The following SLC35D4 variants were observed in gnomAD, a reference collection of about 807,000 sequenced individuals.
SLC35D4 encodes the protein UDP-N-acetylglucosamine transporter SLC35D4.
the SLC35D4 span, among the ~76,000 whole-genome samples, chr18:23,267,936 G>A: frequency 6.6e-6 from 1 of 152,194 alleles, no homozygotes; most frequent in Non-Finnish European, 1.5e-5. Context: ...CTGGCCACCC[G>A]GTTTGGGAAG....
the SLC35D4 span, among the ~76,000 whole-genome samples, chr18:23,351,904 T>C: frequency 6.6e-6 from 1 of 152,230 alleles, no homozygotes; most frequent in African/African-American, 2.4e-5. Flanking sequence ...TTGGATCGAC[T>C]GAGTCCCCTT....
the SLC35D4 span, among the ~76,000 whole-genome samples, chr18:23,371,935 G>GTTTTTTTTTTTTTTTTTTTTTTTT: frequency 2.8e-5 from 1 of 35,480 alleles, no homozygotes; most frequent in Non-Finnish European, 4.9e-5. Context: ...TGTTTTTTTT[G>GTTTTTTTTTTTTTTTTTTTTTTTT]TTTTTTTTTT....
chr18:23,243,914 A>G, the SLC35D4 span, among the ~76,000 whole-genome samples: 1 of 151,552 alleles, frequency 6.6e-6, no homozygotes, highest in East Asian at 1.9e-4. Flanking sequence ...AGAGTTTGAC[A>G]TTTCACCCAA....
the SLC35D4 span, among the ~76,000 whole-genome samples, chr18:23,409,006 G>A: frequency 3.9e-5 from 6 of 151,928 alleles, no homozygotes; most frequent in East Asian, 5.8e-4. Flanking sequence ...ATGGTGGTGG[G>A]CACTTGTAAT....
the SLC35D4 span, among the ~76,000 whole-genome samples, chr18:23,364,009 T>A: frequency 3.3e-5 from 5 of 152,130 alleles, no homozygotes; most frequent in Non-Finnish European, 5.9e-5. Flanking sequence ...ATTCAAGTTA[T>A]CCTTACGAGA....
chr18:23,274,301 C>A, the SLC35D4 span, among the ~76,000 whole-genome samples: 1 of 152,250 alleles, frequency 6.6e-6, no homozygotes, highest in Non-Finnish European at 1.5e-5. Flanking sequence ...AGCCCAGAAC[C>A]ACGTGCCCAG....
chr18:23,253,802 G>T, the SLC35D4 span: 1 of 1,614,232 alleles, frequency 6.2e-7, no homozygotes, highest in South Asian at 1.1e-5. Flanking sequence ...CATGGCCTTC[G>T]TCTACTTTGA....
the SLC35D4 span, among the ~76,000 whole-genome samples, chr18:23,287,743 C>G: frequency 1.3e-5 from 2 of 149,902 alleles, no homozygotes; most frequent in Non-Finnish European, 3.0e-5. Context: ...AGACTGCCCC[C>G]ACCCTAGCTC....
At chr18:23,246,624 C>A in the SLC35D4 span, among the ~76,000 whole-genome samples, 1 of 151,684 alleles carries the variant, frequency 6.6e-6, no homozygotes, top group Non-Finnish European at 1.5e-5. Flanking sequence ...ATCTCCTGAC[C>A]TTGTGATCCG....
chr18:23,297,936 AG>A, the SLC35D4 span: 7 of 1,567,806 alleles, frequency 4.5e-6, no homozygotes, highest in Admixed American at 3.4e-5. Flanking sequence ...CTATGAGACC[AG>A]GGGCTCGTAC....
chr18:23,374,742 C>G, the SLC35D4 span, among the ~76,000 whole-genome samples: 1 of 152,086 alleles, frequency 6.6e-6, no homozygotes, highest in African/African-American at 2.4e-5. Context: ...GCCTCGGCCT[C>G]CCAAAGTGCT....
At chr18:23,276,519 G>A in the SLC35D4 span, among the ~76,000 whole-genome samples, 1 of 151,966 alleles carries the variant, frequency 6.6e-6, no homozygotes, top group East Asian at 1.9e-4. Flanking sequence ...GCAGAGTGGG[G>A]CCCCAGCCTG....
At chr18:23,421,567 T>C in the SLC35D4 span, 1 of 742,970 alleles carries the variant, frequency 1.3e-6, no homozygotes, top group Non-Finnish European at 2.3e-6. Flanking sequence ...TACTCTTTTC[T>C]CCTACTCTCT....
At chr18:23,414,588 G>A in the SLC35D4 span, among the ~76,000 whole-genome samples, 162 of 151,200 alleles carry the variant, frequency 1.1e-3, no homozygotes, top group African/African-American at 3.6e-3. Context: ...CAAGAGAGTC[G>A]CTTGAACCCC....
chr18:23,298,650 T>A, the SLC35D4 span, among the ~76,000 whole-genome samples: 1 of 152,218 alleles, frequency 6.6e-6, no homozygotes, highest in Non-Finnish European at 1.5e-5. Flanking sequence ...CTGAATATTT[T>A]AACATGCCTC....
chr18:23,297,510 C>T, the SLC35D4 span: 1 of 150,850 alleles, frequency 6.6e-6, no homozygotes, highest in African/African-American at 2.4e-5. Context: ...AGAGTGAGGC[C>T]TTGTCTCTAA....
At chr18:23,343,232 C>A in the SLC35D4 span, among the ~76,000 whole-genome samples, 1 of 151,788 alleles carries the variant, frequency 6.6e-6, no homozygotes, top group Non-Finnish European at 1.5e-5. Context: ...TCAACATTAT[C>A]ATTTTATTTA....
At chr18:23,361,064 T>C in the SLC35D4 span, among the ~76,000 whole-genome samples, 334 of 125,608 alleles carry the variant, frequency 2.7e-3, no homozygotes, top group Non-Finnish European at 4.0e-3. Context: ...ATTGTGCCAC[T>C]GTACTACAGC....
chr18:23,352,424 G>A, the SLC35D4 span: 4 of 567,798 alleles, frequency 7.0e-6, no homozygotes, highest in Non-Finnish European at 1.1e-5. Context: ...TTCTAGATCT[G>A]TGATCTCTGG....
Sources: gnomAD v4.1 joint callset for allele counts (sites outside exome capture counted in the v4.1 genomes callset) on GRCh38, gnomAD v4.1.1 for gene constraint, MANE v1.5 for transcripts, NCBI Gene and HGNC (gene_info 2026-07-23, HGNC 2026-07-21) for gene names.